The following CORO2B variants were observed in gnomAD, a reference collection of about 807,000 sequenced individuals.
CORO2B encodes the protein coronin-2B.
CORO2B carries 26 observed loss-of-function variants against 58.8 expected under a neutral mutation model. That is an observed-to-expected ratio of 0.44 (90% CI 0.32 to 0.61). The LOEUF is 0.61. Ranked by LOEUF, CORO2B falls within the 20% of genes least tolerant of loss-of-function variation. The pLI is 0.04. For synonymous variants in CORO2B, 242 were observed against 253.8 expected (o/e 0.95, Z 0.44); for missense variants, 460 against 645.1 (o/e 0.71, Z 3.11).
At position 68,623,256 on chromosome 15, in the gene CORO2B, C is replaced by T. The variant is rs974709357; in HGVS notation, c.16-21904C>T. Among the ~76,000 whole-genome samples the T allele has an allele frequency of 4.6e-5, 7 of 152,210 alleles. No individual in the cohort carries two copies. In the East Asian group the frequency reaches 7.7e-4, roughly 17 times the overall value. ...AGGGTCACACAGCGAGGAACCGGCC[C>T]GGCTCTTTTAAGCCCGGGCCCATGC... On this transcript the variant is annotated intron_variant, in intron 1 of 11. Transcript: ENST00000261861.
At chr15:68,533,707 T>C in the CORO2B span, among the ~76,000 whole-genome samples, 1 of 152,324 alleles carries the variant, frequency 6.6e-6, no homozygotes, top group Middle Eastern at 3.4e-3. Context: ...AAAATCAGTG[T>C]CTTAAACATT....
At chr15:68,635,989 C>G (rs562413838) in intron 1 of CORO2B, among the ~76,000 whole-genome samples, 2 of 152,290 alleles carry the variant, frequency 1.3e-5, no homozygotes, top group East Asian at 3.9e-4. Context: ...GAGGAGCAGA[C>G]AAGTAAAGGA....
At chr15:68,714,534 G>C (rs1167303546) in intron 6 of CORO2B, 25 bp from the exon 7 acceptor site, 6 of 1,587,352 alleles carry the variant, frequency 3.8e-6, no homozygotes, top group Non-Finnish European at 5.2e-6. Context: ...CTGCAGAGAG[G>C]CTGAGACCAG....
chr15:68,719,548 A>G lies in CORO2B; in HGVS notation c.1307A>G (p.Asn436Ser), dbSNP rs151010818. 8.9e-5 allele frequency: 143 copies of G among 1,613,334 alleles called. 1 individual carries two copies. The African/African-American group carries it at 1.7e-3, about 19-fold the overall frequency. The part of the protein sequence containing the change: ...LLENVPPRTE[N>S]ELLRMFFRQQ... Reference sequence around the variant, plus strand: ...GAAAATGTCCCACCCAGGACAGAGAATGAGGTAAGGAATGTAAGTTATTAC... The same window carrying G: ...GAAAATGTCCCACCCAGGACAGAGAGTGAGGTAAGGAATGTAAGTTATTAC... The change falls in exon 11 of 12, where the codon AAT becomes AGT. Residue 436 changes from asparagine to serine, a missense_variant. Coordinates refer to ENST00000261861, the MANE Select transcript of CORO2B (RefSeq NM_006091.5).
intron 1 of CORO2B, among the ~76,000 whole-genome samples, chr15:68,611,775 CTT>C (rs200948998): frequency 2.6e-4 from 36 of 139,978 alleles, no homozygotes; most frequent in African/African-American, 3.6e-4. Flanking sequence ...CACTTTTTTT[CTT>C]TTTTTTTTTT....
the CORO2B span, among the ~76,000 whole-genome samples, chr15:68,568,434 C>T: frequency 3.9e-5 from 6 of 152,084 alleles, no homozygotes; most frequent in Non-Finnish European, 7.4e-5. Flanking sequence ...TGCCCTTTAC[C>T]CTCTGAGAGG....
chr15:68,694,547 GA>G (rs1250748819), intron 2 of CORO2B, among the ~76,000 whole-genome samples: 1 of 152,224 alleles, frequency 6.6e-6, no homozygotes, highest in Admixed American at 6.5e-5. Context: ...ACTGCAGAAG[GA>G]CGCTCATTCA....
Position 68,579,144 on chromosome 15 carries a change from C to G in CORO2B, c.-119C>G. On this transcript the variant is annotated 5_prime_UTR_variant, in exon 1 of 12. Transcript: ENST00000261861. Reference sequence around the variant, plus strand: ...GCAGCCCCCAGGCTCGGCCGAGCCGCCGGCGGGGCGCGGGGAGCGAGCCGG... The same window carrying G: ...GCAGCCCCCAGGCTCGGCCGAGCCGGCGGCGGGGCGCGGGGAGCGAGCCGG... 1.0e-6 allele frequency: 1 copy of G among 981,494 alleles called. No homozygotes were observed. Among genetic ancestry groups the G allele is most frequent in the South Asian group, 4.6e-5 (1 of 21,964 alleles). 60.8% of individuals were successfully genotyped at this position (981,494 alleles called of 1,614,324 possible).
At chr15:68,690,634 C>T (rs1302072289) in intron 2 of CORO2B, among the ~76,000 whole-genome samples, 2 of 146,256 alleles carry the variant, frequency 1.4e-5, no homozygotes, top group Non-Finnish European at 3.0e-5. Flanking sequence ...GCAATGTGAT[C>T]ACGTTAGCTT....
At chr15:68,593,430 A>G in intron 1 of CORO2B, among the ~76,000 whole-genome samples, 1 of 152,228 alleles carries the variant, frequency 6.6e-6, no homozygotes, top group East Asian at 1.9e-4. Flanking sequence ...CCAGGCAGTC[A>G]CATTTCTTAA....
At chr15:68,595,293 C>T (rs540657912) in intron 1 of CORO2B, among the ~76,000 whole-genome samples, 1 of 152,342 alleles carries the variant, frequency 6.6e-6, no homozygotes, top group African/African-American at 2.4e-5. Context: ...GCCCTGCTGT[C>T]CTGTGTCCCT....
intron 7 of CORO2B, 30 bp from the exon 8 acceptor site, chr15:68,715,185 C>T (rs1330658035): frequency 1.9e-6 from 3 of 1,601,356 alleles, no homozygotes; most frequent in Non-Finnish European, 2.6e-6. Context: ...TACCTGCCAC[C>T]TTCCTCAACT....
chr15:68,664,961 T>C (rs966826761), intron 2 of CORO2B, among the ~76,000 whole-genome samples: 1 of 151,344 alleles, frequency 6.6e-6, no homozygotes, highest in African/African-American at 2.4e-5. Context: ...AAATGGTACT[T>C]TTTGCAGTGC....
chr15:68,720,120 C>T (rs1479849778), intron 11 of CORO2B, among the ~76,000 whole-genome samples: 1 of 152,226 alleles, frequency 6.6e-6, no homozygotes, highest in African/African-American at 2.4e-5. Context: ...AGCTGGGATT[C>T]ACAGGATGCC....
At chr15:68,562,864 C>G in the CORO2B span, among the ~76,000 whole-genome samples, 1 of 151,670 alleles carries the variant, frequency 6.6e-6, no homozygotes, top group African/African-American at 2.4e-5. Flanking sequence ...GTAGAACCAG[C>G]TACTCGGGAG....
chr15:68,540,260 T>C, the CORO2B span, among the ~76,000 whole-genome samples: 2 of 152,130 alleles, frequency 1.3e-5, no homozygotes, highest in Non-Finnish European at 2.9e-5. Flanking sequence ...CATTTAATCA[T>C]ACAATATTTA....
Position 68,639,442 on chromosome 15 carries a change from A to G in CORO2B, c.16-5718A>G, listed in dbSNP as rs575098383. Among the ~76,000 whole-genome samples the G allele has an allele frequency of 7.2e-5, 11 of 152,366 alleles. No homozygotes were observed. In the East Asian group the frequency reaches 7.7e-4, roughly 11 times the overall value. ...ACCCTAAAAGGAGGTGGCTATTGCC[A>G]TGTAAGAGCTGTTGTCATTCAGGGT... On this transcript the variant is annotated intron_variant, in intron 1 of 11. Transcript: ENST00000261861.
At chr15:68,614,778 G>A (rs541628197) in intron 1 of CORO2B, among the ~76,000 whole-genome samples, 3 of 152,300 alleles carry the variant, frequency 2.0e-5, no homozygotes, top group South Asian at 2.1e-4. Flanking sequence ...CCCTTTATCC[G>A]CTCCTCTCAG....
At chr15:68,570,730 TCAAA>T in the CORO2B span, among the ~76,000 whole-genome samples, 1 of 150,632 alleles carries the variant, frequency 6.6e-6, no homozygotes, top group African/African-American at 2.4e-5. Context: ...GGGTCTGTGT[TCAAA>T]CAGTCAGAAG....
Sources: allele counts gnomAD v4.1 joint callset (sites outside exome capture counted in the v4.1 genomes callset), GRCh38; gene constraint gnomAD v4.1.1; transcripts MANE v1.5; gene names NCBI Gene and HGNC (gene_info 2026-07-23, HGNC 2026-07-21).